Variants in DNAH1 observed in about 807,000 individuals in gnomAD.
The protein encoded by DNAH1 is dynein axonemal heavy chain 1, also known as axonemal beta dynein heavy chain 1.
In DNAH1, 327 loss-of-function variants were observed where a neutral mutation model predicts 484.3. The observed-to-expected ratio is 0.68, with a 90% confidence interval of 0.62 to 0.74. The LOEUF (loss-of-function observed/expected upper bound fraction) is 0.74, where lower values mean the gene tolerates loss of function less well. Among genes scored for constraint, DNAH1 ranks in the 30% least tolerant of loss-of-function variants. The pLI is 0.00. For synonymous variants in DNAH1, 2,192 were observed against 2,191.9 expected (o/e 1.00, Z 0.00); for missense variants, 5,052 against 5,546.8 (o/e 0.91, Z 2.83).
upstream of DNAH1, among the ~76,000 whole-genome samples, chr3:52,312,978 A>G (rs1411398550): frequency 6.6e-6 from 1 of 152,136 alleles, no homozygotes; most frequent in Non-Finnish European, 1.5e-5. Flanking sequence ...TAGTAGAGAC[A>G]GGGTTTCACC....
chr3:52,365,358 C>T (rs1703030159), intron 34 of DNAH1, among the ~76,000 whole-genome samples: 1 of 152,232 alleles, frequency 6.6e-6, no homozygotes, highest in Non-Finnish European at 1.5e-5. Flanking sequence ...ATATTCCTTG[C>T]ACCCCAGCCC....
Position 52,354,931 on chromosome 3 carries a change from C to T in DNAH1, c.3569C>T (p.Pro1190Leu), listed in dbSNP as rs369084832. ...KATDTYILKSPDEASQLLDDH... is the reference protein window; with the variant it reads ...KATDTYILKSLDEASQLLDDH... Reference sequence around the variant, plus strand: ...ACAGACACCTACATCCTGAAGAGCCCGGACGAGGCCTCACAGCTGCTGGAC... The same window carrying T: ...ACAGACACCTACATCCTGAAGAGCCTGGACGAGGCCTCACAGCTGCTGGAC... Residue 1190 changes from proline to leucine, a missense_variant, in exon 21 of 78, where the codon CCG becomes CTG. By Grantham distance (98) the Pro-to-Leu change is moderately conservative. Transcript: ENST00000420323. 79 of 1,613,870 alleles carry T rather than the reference C, an allele frequency of 4.9e-5. No homozygotes were observed. The highest frequency in any genetic ancestry group is 8.3e-5 in the Admixed American group (5 of 60,012).
In DNAH1 at chr3:52,364,536, G is replaced by A; in HGVS notation, c.5245-102G>A. The A allele has an allele frequency of 7.7e-7, 1 of 1,303,148 alleles. No individual in the cohort carries two copies. The highest frequency in any genetic ancestry group is 1.2e-5 in the South Asian group (1 of 83,618). The allele number at this position is 1,303,148 out of a possible 1,614,324, so 80.7% of individuals were successfully genotyped here. A position where few individuals can be genotyped will look rare whatever the true frequency, so the allele number is the denominator to read the frequency against. On this transcript the variant is annotated intron_variant, in intron 32 of 77. Coordinates refer to ENST00000420323, the MANE Select transcript of DNAH1 (RefSeq NM_015512.5). This position sits in a 1 kb window ranked among gnomAD's most constrained non-coding sequence, Gnocchi z 4.2. ...TCTGCAAGGGAAGTGCTATGAGCTG[G>A]TGATGAGACTTGGCCAACTGCCAGG...
chr3:52,323,594 G>T (rs1269770108), intron 2 of DNAH1, among the ~76,000 whole-genome samples: 1 of 152,162 alleles, frequency 6.6e-6, no homozygotes, highest in Non-Finnish European at 1.5e-5. Flanking sequence ...ACCAGAATGG[G>T]GTGGGGCCAG....
At chr3:52,349,104 G>T in intron 13 of DNAH1, 23 bp downstream of exon 13, 5 of 1,612,392 alleles carry the variant, frequency 3.1e-6, no homozygotes, top group Non-Finnish European at 4.2e-6. Flanking sequence ...GCCCATGCAC[G>T]TCGGAGGGTG....
chr3:52,312,739 G>A (rs1700829304), upstream of DNAH1, among the ~76,000 whole-genome samples: 1 of 152,006 alleles, frequency 6.6e-6, no homozygotes, highest in Non-Finnish European at 1.5e-5. Context: ...TGCAAGCTCC[G>A]CCTCCCAGGT....
chr3:52,363,078 G>A lies in DNAH1; in HGVS notation c.5178G>A (p.Glu1726=). The part of the protein sequence containing the change: ...EISLYSFGFN[E]ASVLAKKITT... ...CCCTCTATTCCTTTGGCTTTAATGA[G>A]GCCAGTGTGCTGGCTAAGAAGATCA... The change falls in exon 32 of 78, where the codon GAG becomes GAA. Residue 1726 remains glutamate, a synonymous_variant. Coordinates refer to ENST00000420323, the MANE Select transcript of DNAH1 (RefSeq NM_015512.5). 6.2e-7 allele frequency: 1 copy of A among 1,613,988 alleles called. No homozygotes were observed. The highest frequency in any genetic ancestry group is 8.5e-7 in the Non-Finnish European group (1 of 1,179,870).
At chr3:52,313,873 T>C (rs2153222054), upstream of DNAH1, among the ~76,000 whole-genome samples, 1 of 152,168 alleles carries the variant, frequency 6.6e-6, no homozygotes, top group South Asian at 2.1e-4. Context: ...AGGTTTCTGT[T>C]CCTCATTGTG....
chr3:52,332,729 C>T (rs1559496277), intron 8 of DNAH1, among the ~76,000 whole-genome samples: 2 of 152,184 alleles, frequency 1.3e-5, no homozygotes, highest in Admixed American at 6.5e-5. Flanking sequence ...TTCCATCATT[C>T]TTCAAAACCC....
chr3:52,384,124 G>A, intron 52 of DNAH1, 93 bp downstream of exon 52: 10 of 1,294,284 alleles, frequency 7.7e-6, no homozygotes, highest in Non-Finnish European at 1.0e-5. Flanking sequence ...AGATTCCCAG[G>A]CCCACCACCG....
rs778081092 is a variant in DNAH1, at chr3:52,383,985, A to G, written c.8276A>G (p.Asn2759Ser). The change falls in exon 52 of 78, where the codon AAT becomes AGT. Residue 2759 changes from asparagine to serine, a missense_variant. This residue lies in a region of DNAH1 where 2,929 missense variants were observed against 3,409.4 expected (regional missense o/e 0.86). Coordinates refer to ENST00000420323, the MANE Select transcript of DNAH1 (RefSeq NM_015512.5). ...AAGTCTGTGGCCACCGTGTTCCTCA[A>G]TGAGATCCCAGAACTGGAATCCTCC... The part of the protein sequence containing the change: ...ALKSVATVFL[N>S]EIPELESSQE... The G allele has an allele frequency of 4.3e-6, 7 of 1,610,814 alleles. No individual in the cohort carries two copies. The highest frequency in any genetic ancestry group is 1.1e-5 in the South Asian group (1 of 90,378).
intron 7 of DNAH1, among the ~76,000 whole-genome samples, chr3:52,331,659 C>G (rs1444058632): frequency 7.4e-6 from 1 of 136,046 alleles, no homozygotes; most frequent in Non-Finnish European, 1.5e-5. Flanking sequence ...GAGTCTGGCT[C>G]TGTCACCCAG....
chr3:52,396,057 G>C (rs918537746), intron 70 of DNAH1, among the ~76,000 whole-genome samples: 5 of 151,300 alleles, frequency 3.3e-5, no homozygotes, highest in African/African-American at 1.2e-4. Context: ...TTCTGCCTCA[G>C]CCTCCCGAGT....
rs558882261 is a variant in DNAH1, at chr3:52,389,008, G to A, written c.9495+71G>A. Reference sequence around the variant, plus strand: ...AGAGACCCTTCCCCCTTGAGGCCTCGCCTCCATGATAGGCAGCCTGCAGGT... The same window carrying A: ...AGAGACCCTTCCCCCTTGAGGCCTCACCTCCATGATAGGCAGCCTGCAGGT... On this transcript the variant is annotated intron_variant, in intron 59 of 77. Transcript: ENST00000420323. 67 of 1,482,740 alleles carry A rather than the reference G, an allele frequency of 4.5e-5. No homozygotes were observed. The Admixed American group carries it at 4.8e-4, about 11-fold the overall frequency. 91.8% of individuals were successfully genotyped at this position (1,482,740 alleles called of 1,614,324 possible). A position where few individuals can be genotyped will look rare whatever the true frequency, so the allele number is the denominator to read the frequency against.
chr3:52,378,864 C>A (rs1329913126), intron 47 of DNAH1, 84 bp downstream of exon 47: 2 of 1,546,548 alleles, frequency 1.3e-6, no homozygotes, highest in Admixed American at 1.7e-5. Flanking sequence ...GCCTTCCTGC[C>A]CAAACAGGCC....
chr3:52,353,065 C>T lies in DNAH1; in HGVS notation c.3028-38C>T, dbSNP rs775304258. ...AACATGGAGAGAGACTGGGAAGTGT[C>T]CCAAGACAGCCCCAGCCCTGCCCTC... On this transcript the variant is annotated intron_variant, in intron 18 of 77. Coordinates refer to ENST00000420323, the MANE Select transcript of DNAH1 (RefSeq NM_015512.5). This position sits in a 1 kb window ranked among gnomAD's most constrained non-coding sequence, Gnocchi z 5.0. 4.4e-6 allele frequency: 7 copies of T among 1,581,150 alleles called. No individual in the cohort carries two copies. Among genetic ancestry groups the T allele is most frequent in the East Asian group, 2.2e-5 (1 of 44,588 alleles).
intron 77 of DNAH1, among the ~76,000 whole-genome samples, chr3:52,400,024 C>T (rs1270610135): frequency 6.6e-6 from 1 of 152,238 alleles, no homozygotes; most frequent in Non-Finnish European, 1.5e-5. Context: ...AGCCTACAAG[C>T]CCCAGCCTGT....
intron 20 of DNAH1, among the ~76,000 whole-genome samples, chr3:52,354,414 C>T (rs1053078901): frequency 6.6e-6 from 1 of 152,166 alleles, no homozygotes; most frequent in Admixed American, 6.5e-5. Flanking sequence ...GGGTGGATCA[C>T]CTGAGGTCAG....
At position 52,388,264 on chromosome 3, in the gene DNAH1, C is replaced by A; in HGVS notation, c.9101C>A (p.Thr3034Asn). The change falls in exon 57 of 78, where the codon ACC (threonine) becomes AAC (asparagine). Residue 3034 changes from threonine (T) to asparagine (N), a missense_variant. Coordinates refer to ENST00000420323, the MANE Select transcript of DNAH1 (RefSeq NM_015512.5). ...ATTGCCAAGGTGTCCAAGGCTTGCA[C>A]CTCCATCTGCCAGTGGGTGCGCGCC... The part of the protein sequence containing the change: ...ATIAKVSKAC[T>N]SICQWVRAMH... The A allele has an allele frequency of 6.2e-7, 1 of 1,602,914 alleles. No individual in the cohort carries two copies. The highest frequency in any genetic ancestry group is 8.5e-7 in the Non-Finnish European group (1 of 1,174,852).
Sources: allele counts gnomAD v4.1 joint callset (sites outside exome capture counted in the v4.1 genomes callset), GRCh38; gene constraint gnomAD v4.1.1; regional missense constraint gnomAD v4.1.1; non-coding constraint Gnocchi (gnomAD v3.1); transcripts MANE v1.5; gene names NCBI Gene and HGNC (gene_info 2026-07-23, HGNC 2026-07-21).